The following CCNH variants were observed in gnomAD, a reference collection of about 807,000 sequenced individuals.
CCNH encodes cyclin-H.
Under a neutral mutation model 41.9 loss-of-function variants are expected in CCNH, and 31 were observed. The observed-to-expected ratio is 0.74, with a 90% CI of 0.56 to 1.00. The LOEUF (loss-of-function observed/expected upper bound fraction) is 1.00, where lower values mean the gene tolerates loss of function less well. Ranked by LOEUF, CCNH falls within the 50% of genes least tolerant of loss-of-function variation. The pLI, the probability that CCNH is intolerant of heterozygous loss-of-function variation, is 0.00. For missense variants in CCNH, 362 were observed against 388.4 expected (o/e 0.93, Z 0.57); for synonymous variants, 138 against 136.1 (o/e 1.01, Z -0.10).
chr5:87,341,347 GAA>G, intron 9 of CCNH: 4 of 1,192,104 alleles, frequency 3.4e-6, no homozygotes, highest in Non-Finnish European at 4.3e-6. Flanking sequence ...TTATTAAAAT[GAA>G]AAAAAAAATC....
rs913831994 is a variant in CCNH at position 87,412,851 on chromosome 5, G to C, written c.-57C>G. The stretch of plus-strand genomic sequence containing the variant: ...CAGACGAGAACCCAAACGCATCAGC[G>C]TCCTGGCGTAAAACACCCGTACCCC... On this transcript the variant is annotated 5_prime_UTR_variant, in exon 1 of 9. Coordinates refer to ENST00000256897, the MANE Select transcript of CCNH (RefSeq NM_001239.4). 12 of 1,589,274 alleles carry C rather than the reference G, an allele frequency of 7.6e-6. No homozygotes were observed. Among genetic ancestry groups the C allele is most frequent in the South Asian group, 4.4e-5 (4 of 90,412 alleles).
upstream of CCNH, among the ~76,000 whole-genome samples, chr5:87,381,345 T>G (rs181481309): frequency 1.3e-5 from 2 of 152,212 alleles, no homozygotes; most frequent in Non-Finnish European, 2.9e-5. Context: ...CTTTTGCTTT[T>G]GTTAAGCATA....
chr5:87,332,374 G>T lies in CCNH; in HGVS notation c.*91-13477C>A, dbSNP rs144964372. On this transcript the variant is annotated intron_variant and NMD_transcript_variant, in intron 9 of 9. Transcript: ENST00000645953. ...ACTGTGATGAAGATACTAATAAGTG[G>T]TATTTTAGTATAAGGATATAGTTAC... is the stretch of plus-strand genomic sequence containing the variant. 2.5e-4 allele frequency: 215 copies of T among 856,670 alleles called. No individual in the cohort carries two copies. In the East Asian group the frequency reaches 5.1e-3, roughly 20 times the overall value. 53.1% of individuals were successfully genotyped at this position (856,670 alleles called of 1,614,324 possible).
intron 2 of CCNH, among the ~76,000 whole-genome samples, chr5:87,410,376 A>ACT (rs141645344): frequency 0.032 from 4,862 of 152,004 alleles, 160 homozygotes; most frequent in African/African-American, 0.074. Flanking sequence ...TATACCTAAA[A>ACT]CTCTCTCTGA....
chr5:87,377,812 C>T (rs1761428041), upstream of CCNH, among the ~76,000 whole-genome samples: 1 of 152,062 alleles, frequency 6.6e-6, no homozygotes, highest in African/African-American at 2.4e-5. Flanking sequence ...TTCTAGGTTC[C>T]CCAAATAAAT....
At chr5:87,393,737 A>G (rs1375262776), downstream of CCNH, 1 of 152,352 alleles carries the variant, frequency 6.6e-6, no homozygotes, top group African/African-American at 2.4e-5. Flanking sequence ...GAGGCAGAGG[A>G]TCACTAGAGC....
rs528476594 is a variant in CCNH at position 87,355,610 on chromosome 5, G to A, written c.*91-36713C>T. ...TGCCAGCTAACACAGCTTATATTCT[G>A]CAGCCCATGGATCAAGGAGTAATTT... is the stretch of plus-strand genomic sequence containing the variant. On this transcript the variant is annotated intron_variant and NMD_transcript_variant, in intron 9 of 9. Coordinates refer to the CCNH transcript ENST00000645953. 2.0e-5 allele frequency among the ~76,000 whole-genome samples: 3 copies of A among 152,302 alleles called. No homozygotes were observed. The South Asian group carries it at 6.2e-4, about 32-fold the overall frequency.
intron 4 of CCNH, among the ~76,000 whole-genome samples, chr5:87,406,653 G>A (rs546837182): frequency 6.6e-6 from 1 of 151,860 alleles, no homozygotes; most frequent in South Asian, 2.1e-4. Context: ...AAAAAAAAGT[G>A]TAATCCCAAG....
downstream of CCNH, among the ~76,000 whole-genome samples, chr5:87,372,456 T>C (rs1248460806): frequency 6.6e-6 from 1 of 152,158 alleles, no homozygotes. Flanking sequence ...AACGGTTCTG[T>C]TGGGCACTTA....
At chr5:87,385,292 C>G in intron 9 of CCNH, 3 of 1,584,278 alleles carry the variant, frequency 1.9e-6, no homozygotes, top group Non-Finnish European at 2.6e-6. Flanking sequence ...GTGCCCAATT[C>G]TGTTACAGAT....
At chr5:87,333,355 C>A (rs1179547402) in intron 9 of CCNH, 5 of 1,611,536 alleles carry the variant, frequency 3.1e-6, no homozygotes, top group South Asian at 1.1e-5. Flanking sequence ...ATAATCTATT[C>A]TCATGTATAG....
chr5:87,343,790 C>T (rs1056156443), intron 9 of CCNH, among the ~76,000 whole-genome samples: 4 of 152,114 alleles, frequency 2.6e-5, no homozygotes, highest in Non-Finnish European at 5.9e-5. Context: ...GCACCATTCA[C>T]AATAGCCGAG....
At chr5:87,351,523 A>G (rs1759275856) in intron 9 of CCNH, among the ~76,000 whole-genome samples, 2 of 151,878 alleles carry the variant, frequency 1.3e-5, no homozygotes, top group African/African-American at 4.8e-5. Flanking sequence ...TGCTAAATGC[A>G]TTACAAAAAT....
At chr5:87,363,706 G>C (rs1760288464) in intron 9 of CCNH, among the ~76,000 whole-genome samples, 1 of 151,878 alleles carries the variant, frequency 6.6e-6, no homozygotes, top group Admixed American at 6.6e-5. Flanking sequence ...GAAATCTTTG[G>C]CATGACATTT....
At chr5:87,336,347 A>T (rs1757969399) in intron 9 of CCNH, among the ~76,000 whole-genome samples, 1 of 152,110 alleles carries the variant, frequency 6.6e-6, no homozygotes, top group African/African-American at 2.4e-5. Flanking sequence ...TTAAGAGTGT[A>T]AAGAGGTCCT....
rs1491365794 is a variant in CCNH, at chr5:87,338,533, A to ATATATATATATATATATAT, written c.*91-19637_*91-19636insATATATATATATATATATA. On this transcript the variant is annotated intron_variant and NMD_transcript_variant, in intron 9 of 9. Transcript: ENST00000645953. ...TATATATATATATATATATATATATAAAATTTTTTTTTTTTTTAAGTAGAA... is the reference window on the plus strand; with the variant it reads ...TATATATATATATATATATATATATATATATATATATATATATATAAATTTTTTTTTTTTTTAAGTAGAA... Among the ~76,000 whole-genome samples, 110 of 91,224 alleles carry ATATATATATATATATATAT rather than the reference A, an allele frequency of 1.2e-3. 3 individuals are homozygous for ATATATATATATATATATAT. The highest frequency in any genetic ancestry group is 2.6e-3 in the East Asian group (6 of 2,324). The allele number at this position is 91,224 out of a possible 152,430, so 59.8% of individuals were successfully genotyped here.
At chr5:87,341,331 T>C in intron 9 of CCNH, 3 of 1,326,524 alleles carry the variant, frequency 2.3e-6, no homozygotes, top group Non-Finnish European at 2.9e-6. Context: ...TGTGAGTTTG[T>C]GTTAATTATT....
chr5:87,353,134 A>T, intron 9 of CCNH: 1 of 1,571,028 alleles, frequency 6.4e-7, no homozygotes, highest in Non-Finnish European at 8.8e-7. Context: ...ACAGATTAAT[A>T]CTAGAAATTT....
chr5:87,394,896 C>G (rs1212949405), intron 8 of CCNH, 148 bp downstream of exon 8: 11 of 1,482,028 alleles, frequency 7.4e-6, no homozygotes, highest in Non-Finnish European at 9.8e-6. Flanking sequence ...TAATGGACAA[C>G]AGTACTGTAC....
Sources: allele counts gnomAD v4.1 joint callset (sites outside exome capture counted in the v4.1 genomes callset), GRCh38; gene constraint gnomAD v4.1.1; transcripts MANE v1.5; gene names NCBI Gene and HGNC (gene_info 2026-07-23, HGNC 2026-07-21).